The following DNAH11 variants were observed in gnomAD, a reference collection of about 807,000 sequenced individuals.
DNAH11 encodes axonemal beta dynein heavy chain 11.
A neutral mutation model predicts 526.0 loss-of-function variants in DNAH11; 442 were observed. That is an observed-to-expected ratio of 0.84 (90% CI 0.78 to 0.91). The LOEUF is 0.91. Ranked by LOEUF, DNAH11 falls within the 40% of genes least tolerant of loss-of-function variation. The pLI, the probability that DNAH11 is intolerant of heterozygous loss-of-function variation, is 0.00. For missense variants in DNAH11, 6,989 were observed against 5,448.7 expected (o/e 1.28, Z -8.90); for synonymous variants, 2,461 against 1,935.9 (o/e 1.27, Z -7.12).
intron 36 of DNAH11, 106 bp downstream of exon 36, chr7:21,698,319 A>C: frequency 1.4e-6 from 2 of 1,474,458 alleles, no homozygotes; most frequent in African/African-American, 1.4e-5. Flanking sequence ...AGACATTAAA[A>C]TTTTTTTGTA....
intron 65 of DNAH11, 42 bp from the exon 66 acceptor site, chr7:21,842,502 G>A (rs1782245387): frequency 5.2e-6 from 8 of 1,537,754 alleles, no homozygotes; most frequent in Non-Finnish European, 7.2e-6. Flanking sequence ...TCAGTTATGG[G>A]TCATAGGAGT....
At chr7:21,623,685 AATC>A (rs1362648804) in intron 25 of DNAH11, among the ~76,000 whole-genome samples, 4 of 152,096 alleles carry the variant, frequency 2.6e-5, no homozygotes, top group African/African-American at 7.2e-5. Flanking sequence ...TGAAATTGGA[AATC>A]ATCATTCTCA....
At chr7:21,697,943 G>C (rs1783918730) in intron 35 of DNAH11, 132 bp from the exon 36 acceptor site, 6 of 914,372 alleles carry the variant, frequency 6.6e-6, no homozygotes, top group Admixed American at 3.2e-5. Context: ...CTTATTAGCT[G>C]TGATTGACAG....
chr7:21,767,983 G>T (rs527883917), intron 55 of DNAH11, among the ~76,000 whole-genome samples: 15 of 152,226 alleles, frequency 9.9e-5, no homozygotes, highest in Admixed American at 6.5e-4. Context: ...GTGTGTGTTG[G>T]CGTGTAATTT....
intron 2 of DNAH11, among the ~76,000 whole-genome samples, chr7:21,555,131 G>A (rs1040938949): frequency 6.6e-6 from 1 of 152,034 alleles, no homozygotes; most frequent in African/African-American, 2.4e-5. Flanking sequence ...AGCAGAGAGT[G>A]TAGCCCATCT....
intron 45 of DNAH11, among the ~76,000 whole-genome samples, chr7:21,732,137 G>A (rs1367881660): frequency 6.6e-6 from 1 of 152,158 alleles, no homozygotes; most frequent in Non-Finnish European, 1.5e-5. Context: ...CACAGACTGG[G>A]CAACTTCAAC....
Position 21,616,428 on chromosome 7 carries a change from T to C in DNAH11, c.4095+136T>C, listed in dbSNP as rs535313954. 160 of 633,180 alleles carry C rather than the reference T, an allele frequency of 2.5e-4. No homozygotes were observed. In the Middle Eastern group the frequency reaches 4.6e-3, roughly 18 times the overall value. 39.2% of individuals were successfully genotyped at this position (633,180 alleles called of 1,614,324 possible). ...TAACAGAGTGATAGCAGACAGTGTT[T>C]TTTTCACCCTTAGCCAGTTGCACTT... On this transcript the variant is annotated intron_variant, in intron 22 of 81. Transcript: ENST00000409508.
chr7:21,556,599 T>C lies in DNAH11; in HGVS notation c.496-2203T>C, dbSNP rs149695118. ...GGGTAAATTGTGCATCATGGGAGTT[T>C]GGTATACAGAGAGTTTGTTACCCAG... On this transcript the variant is annotated intron_variant, in intron 2 of 81. Coordinates refer to ENST00000409508, the MANE Select transcript of DNAH11 (RefSeq NM_001277115.2). Among the ~76,000 whole-genome samples, 654 of 152,318 alleles carry C rather than the reference T, an allele frequency of 4.3e-3. 3 individuals are homozygous for C. Among genetic ancestry groups the C allele is most frequent in the Non-Finnish European group, 6.9e-3 (471 of 68,034 alleles).
At chr7:21,705,652 T>C (rs1784235653) in intron 39 of DNAH11, 115 bp downstream of exon 39, 1 of 1,007,042 alleles carries the variant, frequency 9.9e-7, no homozygotes, top group African/African-American at 1.6e-5. Context: ...CCCACCATAA[T>C]TTTGGGTCAG....
At chr7:21,823,295 G>A (rs1384417583) in intron 65 of DNAH11, among the ~76,000 whole-genome samples, 2 of 151,814 alleles carry the variant, frequency 1.3e-5, no homozygotes, top group Non-Finnish European at 2.9e-5. Context: ...TTTTTCCTAA[G>A]CCTCATTTGT....
intron 74 of DNAH11, among the ~76,000 whole-genome samples, chr7:21,875,863 A>G (rs1022868287): frequency 6.7e-5 from 10 of 150,354 alleles, no homozygotes; most frequent in Admixed American, 2.0e-4. Flanking sequence ...TAGGAACTTC[A>G]AGGAAGAATA....
In DNAH11 at chr7:21,813,635, C is replaced by T. The variant is rs1045097844; in HGVS notation, c.10333-2832C>T. On this transcript the variant is annotated intron_variant, in intron 63 of 81. Transcript: ENST00000409508. ...TGTTATAACTAATTTCACTTTGGCT[C>T]GTGGCGTGTGCTTCCAGCCTTGTCT... Among the ~76,000 whole-genome samples the T allele has an allele frequency of 4.6e-5, 7 of 152,152 alleles. 1 individual carries two copies. The highest frequency in any genetic ancestry group is 1.3e-4 in the Admixed American group (2 of 15,274).
At chr7:21,587,405 G>A (rs1784508628) in intron 9 of DNAH11, among the ~76,000 whole-genome samples, 1 of 152,026 alleles carries the variant, frequency 6.6e-6, no homozygotes, top group Non-Finnish European at 1.5e-5. Flanking sequence ...AGTAGTTTCT[G>A]CTCACTGATA....
Position 21,735,592 on chromosome 7 carries a change from A to G in DNAH11, c.7441-48A>G, listed in dbSNP as rs2270022. The G allele has an allele frequency of 0.86, 1,298,822 of 1,517,426 alleles. 558,510 individuals carry two copies. The highest frequency in any genetic ancestry group is 0.88 in the Non-Finnish European group (980,816 of 1,119,314). 94.0% of individuals were successfully genotyped at this position (1,517,426 alleles called of 1,614,324 possible). A position where few individuals can be genotyped will look rare whatever the true frequency, so the allele number is the denominator to read the frequency against. ...TTTGGAATGCCTCTCTCTCGCACGC[A>G]CTCTCTCTCTCTTTCTGATCTTTGT... is the stretch of plus-strand genomic sequence containing the variant. On this transcript the variant is annotated intron_variant, in intron 45 of 81. Transcript: ENST00000409508.
Position 21,629,357 on chromosome 7 carries a change from C to CA in DNAH11, c.4501-6509dup, listed in dbSNP as rs558664654. Among the ~76,000 whole-genome samples the CA allele has an allele frequency of 3.5e-3, 529 of 152,192 alleles. 2 individuals carry two copies. The highest frequency in any genetic ancestry group is 5.9e-3 in the Non-Finnish European group (400 of 67,954). ...CTATTCTGGAGAATCCATGTGCTGA[C>CA]AAAAAGGATTTGTATTCTGCAGTAG... On this transcript the variant is annotated intron_variant, in intron 25 of 81. Transcript: ENST00000409508.
intron 30 of DNAH11, among the ~76,000 whole-genome samples, chr7:21,680,068 G>T (rs1428171831): frequency 6.6e-6 from 1 of 152,166 alleles, no homozygotes; most frequent in Admixed American, 6.5e-5. Flanking sequence ...CATGGAAATT[G>T]CACATGTTAC....
intron 68 of DNAH11, among the ~76,000 whole-genome samples, chr7:21,855,675 C>T (rs937121557): frequency 1.3e-5 from 2 of 152,206 alleles, no homozygotes; most frequent in African/African-American, 4.8e-5. Flanking sequence ...ATGCTGCTGC[C>T]TGCTGGGCAG....
intron 54 of DNAH11, among the ~76,000 whole-genome samples, chr7:21,760,058 A>T (rs1450270324): frequency 1.3e-5 from 2 of 151,898 alleles, no homozygotes; most frequent in Non-Finnish European, 2.9e-5. Context: ...GGACTTTCTA[A>T]TCCCACTGTT....
Position 21,589,246 on chromosome 7 carries a change from A to G in DNAH11, c.2012A>G (p.Lys671Arg). 1.9e-6 allele frequency: 3 copies of G among 1,610,032 alleles called. No individual in the cohort carries two copies. Among genetic ancestry groups the G allele is most frequent in the South Asian group, 2.2e-5 (2 of 89,774 alleles). The change falls in exon 12 of 82, where the codon AAG becomes AGG. Residue 671 changes from lysine to arginine, a missense_variant. Physicochemically the swap from Lys to Arg is conservative, Grantham distance 26. Coordinates refer to ENST00000409508, the MANE Select transcript of DNAH11 (RefSeq NM_001277115.2). ...GNPDHALVYQ[K>R]YVEMTTLLDQ... ...CCTGATCACGCTTTAGTTTATCAAA[A>G]GTATGTTGAAATGACCACTTTGCTT...
Sources: gnomAD v4.1 joint callset for allele counts (sites outside exome capture counted in the v4.1 genomes callset) on GRCh38, gnomAD v4.1.1 for gene constraint, MANE v1.5 for transcripts, NCBI Gene and HGNC (gene_info 2026-07-23, HGNC 2026-07-21) for gene names.